Variants in KCNN2 observed in about 807,000 individuals in gnomAD.
KCNN2 encodes small conductance calcium-activated potassium channel protein 2.
KCNN2 carries 24 observed loss-of-function variants against 55.5 expected under a neutral mutation model. The ratio of observed to expected loss-of-function variants is 0.43; its 90% CI spans 0.31 to 0.61. The LOEUF is 0.61. Among genes scored for constraint, KCNN2 ranks in the 20% least tolerant of loss-of-function variants. The probability of loss-of-function intolerance (pLI) is 0.08; values close to 1 mark genes in which losing one functional copy is unlikely to be tolerated. For missense variants in KCNN2, 754 were observed against 853.6 expected, an observed-to-expected ratio of 0.88 and a Z score of 1.45; for synonymous variants, 431 against 336.1, an observed-to-expected ratio of 1.28 and a Z score of -3.09.
chr5:114,067,075 A>G (rs1467047542), intron 1 of KCNN2, among the ~76,000 whole-genome samples: 4 of 152,254 alleles, frequency 2.6e-5, no homozygotes, highest in Non-Finnish European at 5.9e-5. Flanking sequence ...GGTAAACCAC[A>G]GGGAAAACCA....
chr5:114,059,901 C>G (rs1262908934), intron 1 of KCNN2, among the ~76,000 whole-genome samples: 3 of 152,130 alleles, frequency 2.0e-5, no homozygotes, highest in Non-Finnish European at 4.4e-5. Context: ...GAAGATAGGA[C>G]TGAAGTGGGT....
chr5:114,205,179 C>G (rs1014393012), intron 1 of KCNN2, among the ~76,000 whole-genome samples: 1 of 151,964 alleles, frequency 6.6e-6, no homozygotes, highest in Non-Finnish European at 1.5e-5. Flanking sequence ...AGTTGCTGTG[C>G]AACACAAACT....
intron 6 of KCNN2, among the ~76,000 whole-genome samples, chr5:114,489,810 A>T (rs762059844): frequency 3.3e-5 from 5 of 152,082 alleles, no homozygotes; most frequent in African/African-American, 4.8e-5. Flanking sequence ...ATCCAGTGAG[A>T]CCCTCGGCCT....
intron 2 of KCNN2, among the ~76,000 whole-genome samples, chr5:114,373,658 A>ATATAT (rs1554084191): frequency 6.7e-5 from 7 of 104,528 alleles, no homozygotes; most frequent in East Asian, 3.8e-4. Context: ...ATATATATAT[A>ATATAT]AAATTACTTG....
intron 2 of KCNN2, among the ~76,000 whole-genome samples, chr5:114,291,087 A>G (rs1448213625): frequency 6.6e-6 from 1 of 152,078 alleles, no homozygotes; most frequent in Admixed American, 6.6e-5. Flanking sequence ...TGTACATGGG[A>G]TTATAAAGGA....
At chr5:114,378,137 G>A (rs1273238143) in intron 2 of KCNN2, among the ~76,000 whole-genome samples, 1 of 152,298 alleles carries the variant, frequency 6.6e-6, no homozygotes, top group Non-Finnish European at 1.5e-5. Context: ...CATGGGCCAA[G>A]TCCGCCCCCT....
chr5:114,260,686 C>T (rs189109275), intron 2 of KCNN2, among the ~76,000 whole-genome samples: 1 of 152,120 alleles, frequency 6.6e-6, no homozygotes, highest in Non-Finnish European at 1.5e-5. Context: ...GTTTTGGTTC[C>T]TTTAGCTCTC....
At chr5:114,188,805 A>G (rs1753390092) in intron 1 of KCNN2, among the ~76,000 whole-genome samples, 1 of 152,180 alleles carries the variant, frequency 6.6e-6, no homozygotes, top group Non-Finnish European at 1.5e-5. Context: ...TATAAAGAAG[A>G]CTAAAAAAGG....
At chr5:114,358,691 CCTT>C (rs1237447677), upstream of KCNN2, among the ~76,000 whole-genome samples, 1 of 152,036 alleles carries the variant, frequency 6.6e-6, no homozygotes, top group Non-Finnish European at 1.5e-5. Context: ...CTTCCTCTCT[CCTT>C]CTCTCTGTAC....
rs1045894267 is a variant in KCNN2 at position 114,363,490 on chromosome 5, G to A, written c.1122+229G>A. On this transcript the variant is annotated intron_variant, in intron 1 of 7. Coordinates refer to ENST00000673685, the MANE Select transcript of KCNN2 (RefSeq NM_021614.4). The stretch of plus-strand genomic sequence containing the variant: ...TTCTCGAGGCAGTTAAGAGTGCTCA[G>A]CGCATTCGGGCACCTTAAGTAAGTG... Among the ~76,000 whole-genome samples the A allele has an allele frequency of 2.6e-5, 4 of 152,232 alleles. No homozygotes were observed. The East Asian group carries it at 7.7e-4, about 29-fold the overall frequency.
In KCNN2 at chr5:114,489,417, C is replaced by G. The variant is rs533829692; in HGVS notation, c.2018+2240C>G. Among the ~76,000 whole-genome samples, 4 of 152,176 alleles carry G rather than the reference C, an allele frequency of 2.6e-5. No individual in the cohort carries two copies. In the South Asian group the frequency reaches 8.3e-4, roughly 32 times the overall value. ...TACTGTGGAGTCGCTTGCACGGGGT[C>G]TCTTAGCATATTGTGTTTGGATAGA... On this transcript the variant is annotated intron_variant, in intron 6 of 7. Transcript: ENST00000673685.
chr5:114,057,363 A>G (rs1580471407), intron 1 of KCNN2, among the ~76,000 whole-genome samples: 1 of 152,358 alleles, frequency 6.6e-6, no homozygotes, highest in South Asian at 2.1e-4. Context: ...TCTTTTTTAC[A>G]GATGGGGTAA....
chr5:114,274,591 G>A (rs531013717), intron 2 of KCNN2, among the ~76,000 whole-genome samples: 29 of 152,080 alleles, frequency 1.9e-4, no homozygotes, highest in African/African-American at 2.7e-4. Context: ...TATTCTCTTC[G>A]TAGCAATTGT....
intron 2 of KCNN2, among the ~76,000 whole-genome samples, chr5:114,355,819 G>A (rs1757285235): frequency 1.3e-5 from 2 of 152,132 alleles, no homozygotes; most frequent in African/African-American, 4.8e-5. Context: ...CTACAGGCTG[G>A]CAGCAAAGTA....
At chr5:114,243,020 T>G (rs1754675775) in intron 2 of KCNN2, among the ~76,000 whole-genome samples, 2 of 152,268 alleles carry the variant, frequency 1.3e-5, no homozygotes, top group Admixed American at 1.3e-4. Flanking sequence ...AGAAATATTC[T>G]CTGCCATTGT....
rs564273228 is a variant in KCNN2 at position 114,245,757 on chromosome 5, A to G, written c.-185+24192A>G. On this transcript the variant is annotated intron_variant, in intron 2 of 10. Coordinates refer to the KCNN2 transcript ENST00000512097. ...ATCTAGCTCAAACTCTTCCTTTCAC[A>G]GTTGAGGAAAGGAAGGCTGAAAAAT... is the stretch of plus-strand genomic sequence containing the variant. 7.2e-5 allele frequency among the ~76,000 whole-genome samples: 11 copies of G among 152,332 alleles called. No individual in the cohort carries two copies. The South Asian group carries it at 1.7e-3, about 23-fold the overall frequency.
chr5:114,337,838 A>G (rs1039196274), intron 2 of KCNN2, among the ~76,000 whole-genome samples: 1 of 152,210 alleles, frequency 6.6e-6, no homozygotes, highest in Non-Finnish European at 1.5e-5. Context: ...TGGGACAAAT[A>G]ATCTCACATA....
intron 1 of KCNN2, among the ~76,000 whole-genome samples, chr5:114,165,041 G>A (rs1443713178): frequency 1.3e-5 from 2 of 152,202 alleles, no homozygotes; most frequent in Non-Finnish European, 2.9e-5. Flanking sequence ...AAGCCACACA[G>A]CAAGCAAGTG....
At chr5:114,081,312 T>G (rs1213347359) in intron 1 of KCNN2, among the ~76,000 whole-genome samples, 4 of 152,212 alleles carry the variant, frequency 2.6e-5, no homozygotes, top group Admixed American at 6.5e-5. Flanking sequence ...ATATGGAATC[T>G]CAAGGCATCC....
Sources: allele counts gnomAD v4.1 joint callset (sites outside exome capture counted in the v4.1 genomes callset), GRCh38; gene constraint gnomAD v4.1.1; transcripts MANE v1.5; gene names NCBI Gene and HGNC (gene_info 2026-07-23, HGNC 2026-07-21).